Variants in PRMT8 observed in about 807,000 individuals in gnomAD.
The protein encoded by PRMT8 is protein arginine N-methyltransferase 8.
Under a neutral mutation model 47.1 loss-of-function variants are expected in PRMT8, and 7 were observed. The observed-to-expected ratio is 0.15, with a 90% CI of 0.08 to 0.28. PRMT8 has a LOEUF of 0.28. Ranked by LOEUF, PRMT8 falls within the 10% of genes least tolerant of loss-of-function variation. The pLI, the probability that PRMT8 is intolerant of heterozygous loss-of-function variation, is 1.00. For synonymous variants in PRMT8, 188 were observed against 186.5 expected (o/e 1.01, Z -0.07); for missense variants, 237 against 505.4 (o/e 0.47, Z 5.09).
chr12:3,381,616 C>A (rs1343041624), intron 1 of PRMT8, among the ~76,000 whole-genome samples: 1 of 152,222 alleles, frequency 6.6e-6, no homozygotes, highest in African/African-American at 2.4e-5. Context: ...TGCGGCTCCA[C>A]AGTCTTGTTG....
upstream of PRMT8, among the ~76,000 whole-genome samples, chr12:3,490,496 G>T (rs1294582472): frequency 6.6e-6 from 1 of 150,958 alleles, no homozygotes; most frequent in Non-Finnish European, 1.5e-5. Flanking sequence ...GGAAGGGTGA[G>T]GAGGGAGAAG....
intron 2 of PRMT8, among the ~76,000 whole-genome samples, chr12:3,541,066 G>T (rs1338070723): frequency 6.6e-6 from 1 of 152,188 alleles, no homozygotes; most frequent in Non-Finnish European, 1.5e-5. Flanking sequence ...TTACATTCCA[G>T]CTCCCGTGTC....
At chr12:3,574,715 A>G (rs2137215599) in intron 6 of PRMT8, among the ~76,000 whole-genome samples, 1 of 152,352 alleles carries the variant, frequency 6.6e-6, no homozygotes, top group East Asian at 1.9e-4. Context: ...TTAGAAACCA[A>G]GGCTTAGAAA....
At chr12:3,554,820 A>C (rs1866496878) in intron 4 of PRMT8, among the ~76,000 whole-genome samples, 1 of 151,974 alleles carries the variant, frequency 6.6e-6, no homozygotes, top group Non-Finnish European at 1.5e-5. Flanking sequence ...GTGCTGTGCG[A>C]CCCTTTGCTC....
At chr12:3,533,303 A>T (rs1866063762) in intron 1 of PRMT8, among the ~76,000 whole-genome samples, 1 of 152,220 alleles carries the variant, frequency 6.6e-6, no homozygotes. Flanking sequence ...CCGGGAGGCC[A>T]CATGCAGAAG....
intron 1 of PRMT8, among the ~76,000 whole-genome samples, chr12:3,472,141 G>A (rs558592068): frequency 6.6e-6 from 1 of 152,254 alleles, no homozygotes; most frequent in South Asian, 2.1e-4. Context: ...AATGTCAGGC[G>A]GTTCTGTAAC....
chr12:3,568,395 G>GGTT (rs34468112), intron 4 of PRMT8, among the ~76,000 whole-genome samples: 81,232 of 151,628 alleles, frequency 0.54, 22,641 homozygotes, highest in African/African-American at 0.71. Context: ...TTCAAAGCCA[G>GGTT]GTTGTTAAGG....
chr12:3,403,418 G>A (rs986733171), intron 1 of PRMT8, among the ~76,000 whole-genome samples: 3 of 150,710 alleles, frequency 2.0e-5, no homozygotes, highest in South Asian at 2.1e-4. Context: ...CAGGGCACAC[G>A]TTTAACAATG....
At chr12:3,575,296 T>C (rs1048687363) in intron 6 of PRMT8, among the ~76,000 whole-genome samples, 1 of 152,218 alleles carries the variant, frequency 6.6e-6, no homozygotes, top group Middle Eastern at 3.2e-3. Flanking sequence ...GGAACATACG[T>C]TCCCTAAGGT....
chr12:3,421,722 G>C (rs924981772), intron 1 of PRMT8, among the ~76,000 whole-genome samples: 2 of 152,206 alleles, frequency 1.3e-5, no homozygotes, highest in Non-Finnish European at 2.9e-5. Flanking sequence ...CAGGCACTTT[G>C]ATGACACCAC....
rs185590173 is a variant in PRMT8, at chr12:3,505,782, C to T, written c.75+14082C>T. Among the ~76,000 whole-genome samples, 23 of 152,286 alleles carry T rather than the reference C, an allele frequency of 1.5e-4. No homozygotes were observed. The East Asian group carries it at 4.2e-3, about 28-fold the overall frequency. ...AACCCCAGGCTTGTCCTAACCTTTG[C>T]TCCACACCAGCTCCTACCCACCTGG... is the stretch of plus-strand genomic sequence containing the variant. On this transcript the variant is annotated intron_variant, in intron 1 of 9. Coordinates refer to ENST00000382622, the MANE Select transcript of PRMT8 (RefSeq NM_019854.5).
At chr12:3,447,115 C>T (rs1864866382) in intron 1 of PRMT8, among the ~76,000 whole-genome samples, 1 of 152,132 alleles carries the variant, frequency 6.6e-6, no homozygotes, top group African/African-American at 2.4e-5. Flanking sequence ...GAGCCAGAGA[C>T]AGAACCCGTG....
chr12:3,562,382 G>A (rs1288384742), intron 4 of PRMT8, among the ~76,000 whole-genome samples: 3 of 151,576 alleles, frequency 2.0e-5, no homozygotes, highest in Non-Finnish European at 4.4e-5. Flanking sequence ...TCGGGCATAG[G>A]GGAGTTCGTG....
In PRMT8 at chr12:3,420,296, A is replaced by T. The variant is rs568952107; in HGVS notation, c.48+38854A>T. On this transcript the variant is annotated intron_variant, in intron 1 of 9. Coordinates refer to the PRMT8 transcript ENST00000452611. ...GGACATTTCTTACTGGCTGTGTGAT[A>T]CTGAGTGAGTCACTTAATGTAATGA... Among the ~76,000 whole-genome samples, 43 of 152,296 alleles carry T rather than the reference A, an allele frequency of 2.8e-4. 1 individual carries two copies. The East Asian group carries it at 4.0e-3, about 14-fold the overall frequency.
intron 1 of PRMT8, among the ~76,000 whole-genome samples, chr12:3,533,558 C>T (rs1200315865): frequency 6.6e-6 from 1 of 152,238 alleles, no homozygotes; most frequent in African/African-American, 2.4e-5. Context: ...AACCCTGACC[C>T]TCCTCCCCTT....
At chr12:3,469,987 G>A (rs913363215) in intron 1 of PRMT8, among the ~76,000 whole-genome samples, 1 of 152,148 alleles carries the variant, frequency 6.6e-6, no homozygotes, top group African/African-American at 2.4e-5. Context: ...CCTGCACTCT[G>A]GGGGGAATGA....
At chr12:3,568,935 G>A (rs1328148195) in intron 5 of PRMT8, 87 bp downstream of exon 5, 3 of 1,549,778 alleles carry the variant, frequency 1.9e-6, no homozygotes, top group Non-Finnish European at 2.6e-6. Context: ...GGCATACGAA[G>A]ACTTCAGAGA....
Position 3,538,699 on chromosome 12 carries a change from G to A in PRMT8, c.76-1907G>A, listed in dbSNP as rs558324684. ...AGCTTCATGCACGGAGCCTTCTTCA[G>A]CTTTAGAGGTGATTCTGCAGCCTGC... is the stretch of plus-strand genomic sequence containing the variant. On this transcript the variant is annotated intron_variant, in intron 1 of 9. Transcript: ENST00000382622. The surrounding 1 kb of genome is among the most constrained non-coding windows in gnomAD (Gnocchi z 4.6). 1.9e-6 allele frequency: 1 copy of A among 518,990 alleles called. No homozygotes were observed. The highest frequency in any genetic ancestry group is 1.9e-5 in the African/African-American group (1 of 52,072). The allele number at this position is 518,990 out of a possible 1,614,324, so 32.1% of individuals were successfully genotyped here.
chr12:3,397,470 C>A (rs564164175), intron 1 of PRMT8, among the ~76,000 whole-genome samples: 1 of 147,854 alleles, frequency 6.8e-6, no homozygotes, highest in African/African-American at 2.5e-5. Flanking sequence ...GTACTGGGCC[C>A]TGTGAGGTGT....
Sources: gnomAD v4.1 joint callset for allele counts (sites outside exome capture counted in the v4.1 genomes callset) on GRCh38, gnomAD v4.1.1 for gene constraint, Gnocchi (gnomAD v3.1) non-coding constraint, MANE v1.5 for transcripts, NCBI Gene and HGNC (gene_info 2026-07-23, HGNC 2026-07-21) for gene names.